Variants in CPVL observed in about 807,000 individuals in gnomAD.
CPVL encodes probable serine carboxypeptidase CPVL.
In CPVL, 51 loss-of-function variants were observed where a neutral mutation model predicts 63.7. The ratio of observed to expected loss-of-function variants is 0.80; its 90% confidence interval spans 0.64 to 1.01. The LOEUF is 1.01. Ranked by LOEUF, CPVL falls within the 50% of genes least tolerant of loss-of-function variation. The pLI is 0.00. For missense variants in CPVL, 530 were observed against 573.1 expected, an observed-to-expected ratio of 0.92 and a Z score of 0.77; for synonymous variants, 195 against 206.0, an observed-to-expected ratio of 0.95 and a Z score of 0.46.
chr7:29,150,221 A>T (rs924999026), upstream of CPVL, among the ~76,000 whole-genome samples: 12 of 152,314 alleles, frequency 7.9e-5, no homozygotes, highest in African/African-American at 2.9e-4. Context: ...CTTGCACCTA[A>T]TGACCATAAG....
intron 12 of CPVL, among the ~76,000 whole-genome samples, chr7:29,028,966 CAA>C (rs59054295): frequency 1.7e-4 from 15 of 88,520 alleles, no homozygotes; most frequent in South Asian, 4.2e-4. Context: ...GACTCCATCT[CAA>C]AAAAAAAAAA....
intron 5 of CPVL, among the ~76,000 whole-genome samples, chr7:29,158,496 CA>C (rs1308991901): frequency 6.6e-6 from 1 of 151,794 alleles, no homozygotes; most frequent in African/African-American, 2.4e-5. Context: ...CAGAATGGCT[CA>C]CTTTATTTTA....
In CPVL at chr7:29,155,282, A is replaced by G. The variant is rs566002558; in HGVS notation, c.-11+26008T>C. Among the ~76,000 whole-genome samples, 4 of 152,336 alleles carry G rather than the reference A, an allele frequency of 2.6e-5. No individual in the cohort carries two copies. The South Asian group carries it at 8.3e-4, about 32-fold the overall frequency. ...CAGGGAAAACAACTACATTTTAACA[A>G]CATAAGTTAAAAAGCCATTATCAAA... On this transcript the variant is annotated intron_variant, in intron 5 of 16. Coordinates refer to the CPVL transcript ENST00000409850.
intron 11 of CPVL, among the ~76,000 whole-genome samples, chr7:29,031,887 C>G (rs1463622439): frequency 6.6e-6 from 1 of 152,016 alleles, no homozygotes; most frequent in Non-Finnish European, 1.5e-5. Flanking sequence ...TAATGTATAT[C>G]ACAACTATAA....
chr7:29,006,123 G>T (rs1176230971), intron 12 of CPVL, among the ~76,000 whole-genome samples: 1 of 152,230 alleles, frequency 6.6e-6, no homozygotes, highest in Non-Finnish European at 1.5e-5. Flanking sequence ...TCCCTCACTG[G>T]ATCAGGAGAA....
chr7:29,112,854 T>G, intron 2 of CPVL, 32 bp from the exon 3 acceptor site: 1 of 1,430,196 alleles, frequency 7.0e-7, no homozygotes, highest in Non-Finnish European at 9.9e-7. Context: ...ACCCAAGGAT[T>G]ACAGAAAACA....
chr7:29,180,731 C>A (rs917414954), intron 5 of CPVL, among the ~76,000 whole-genome samples: 1 of 152,192 alleles, frequency 6.6e-6, no homozygotes, highest in Non-Finnish European at 1.5e-5. Flanking sequence ...TTAAGGGGCA[C>A]TAGAGTCCAG....
At chr7:29,119,193 G>A (rs140661043) in intron 2 of CPVL, among the ~76,000 whole-genome samples, 1 of 152,312 alleles carries the variant, frequency 6.6e-6, no homozygotes, top group East Asian at 1.9e-4. Context: ...GAAGCATTAA[G>A]AGCAGATACA....
At chr7:29,155,006 G>A (rs1232166850) in intron 5 of CPVL, among the ~76,000 whole-genome samples, 1 of 152,196 alleles carries the variant, frequency 6.6e-6, no homozygotes, top group African/African-American at 2.4e-5. Flanking sequence ...GCAAAGAGAA[G>A]GGTGCTTGTG....
intron 12 of CPVL, among the ~76,000 whole-genome samples, chr7:29,015,846 GCAA>G (rs1408842741): frequency 6.7e-6 from 1 of 149,386 alleles, no homozygotes; most frequent in African/African-American, 2.4e-5. Flanking sequence ...AAAGCCTTAA[GCAA>G]GTTTTTCAGG....
chr7:29,039,940 A>G (rs1400528719), intron 11 of CPVL, among the ~76,000 whole-genome samples: 1 of 152,156 alleles, frequency 6.6e-6, no homozygotes, highest in Non-Finnish European at 1.5e-5. Flanking sequence ...TGATCTAGTG[A>G]CCTTAATCTC....
At position 29,135,522 on chromosome 7, in the gene CPVL, C is replaced by T. The variant is rs367665625; in HGVS notation, c.-11+10907G>A. Among the ~76,000 whole-genome samples, 43 of 151,844 alleles carry T rather than the reference C, an allele frequency of 2.8e-4. 1 individual carries two copies. Among genetic ancestry groups the T allele is most frequent in the Admixed American group, 2.6e-4 (4 of 15,232 alleles). On this transcript the variant is annotated intron_variant, in intron 1 of 12. Coordinates refer to ENST00000265394, the MANE Select transcript of CPVL (RefSeq NM_031311.5). ...AATTTTTTTGTATTTTTAGTAGAGA[C>T]GGGGTTTCACCATGTTGATCAGGCT...
intron 2 of CPVL, among the ~76,000 whole-genome samples, chr7:29,119,863 T>C (rs1365164433): frequency 6.6e-6 from 1 of 152,156 alleles, no homozygotes; most frequent in East Asian, 1.9e-4. Context: ...GCTCAATCTC[T>C]TTCTGCCTTG....
At chr7:29,062,260 G>C (rs527409237) in intron 11 of CPVL, among the ~76,000 whole-genome samples, 19 of 152,260 alleles carry the variant, frequency 1.2e-4, no homozygotes, top group African/African-American at 4.1e-4. Context: ...CTGCACGTTA[G>C]AGTGTGCCAT....
intron 6 of CPVL, among the ~76,000 whole-genome samples, chr7:29,091,197 A>T (rs1299956939): frequency 6.6e-6 from 1 of 152,220 alleles, no homozygotes; most frequent in Non-Finnish European, 1.5e-5. Context: ...GAGATGGACC[A>T]CATGTCAGCA....
At chr7:29,036,649 T>A (rs1788554896) in intron 11 of CPVL, among the ~76,000 whole-genome samples, 1 of 152,196 alleles carries the variant, frequency 6.6e-6, no homozygotes, top group South Asian at 2.1e-4. Flanking sequence ...AGCCATAAAT[T>A]CATGTATTAC....
At chr7:29,087,215 GGAGTTC>G (rs1785293081) in intron 6 of CPVL, among the ~76,000 whole-genome samples, 1 of 152,072 alleles carries the variant, frequency 6.6e-6, no homozygotes, top group African/African-American at 2.4e-5. Context: ...AACGAGGTCA[GGAGTTC>G]GAGACCAGCC....
upstream of CPVL, chr7:29,146,572 C>G: frequency 1.9e-6 from 3 of 1,547,660 alleles, no homozygotes; most frequent in Non-Finnish European, 2.6e-6. Context: ...TTAAGCGCTC[C>G]TCTAGGCTCA....
At chr7:29,051,572 C>G (rs1334238618) in intron 11 of CPVL, among the ~76,000 whole-genome samples, 2 of 152,050 alleles carry the variant, frequency 1.3e-5, no homozygotes, top group Admixed American at 1.3e-4. Flanking sequence ...GCAAGGATGG[C>G]CATAATCAAA....
Sources: gnomAD v4.1 joint callset for allele counts (sites outside exome capture counted in the v4.1 genomes callset) on GRCh38, gnomAD v4.1.1 for gene constraint, MANE v1.5 for transcripts, NCBI Gene and HGNC (gene_info 2026-07-23, HGNC 2026-07-21) for gene names.